The following PNPLA2 variants were observed in gnomAD, a reference collection of about 807,000 sequenced individuals.
PNPLA2 encodes patatin-like phospholipase domain-containing protein 2.
A neutral mutation model predicts 39.7 loss-of-function variants in PNPLA2; 28 were observed. The observed-to-expected ratio is 0.70, with a 90% CI of 0.52 to 0.97. PNPLA2 has a LOEUF of 0.97. Ranked by LOEUF, PNPLA2 falls within the 50% of genes least tolerant of loss-of-function variation. The probability of loss-of-function intolerance (pLI) is 0.00; values close to 1 mark genes in which losing one functional copy is unlikely to be tolerated. For synonymous variants in PNPLA2, 392 were observed against 321.1 expected, an observed-to-expected ratio of 1.22 and a Z score of -2.36; for missense variants, 768 against 698.2, an observed-to-expected ratio of 1.10 and a Z score of -1.13.
At position 824,609 on chromosome 11, in the gene PNPLA2, G is replaced by A; in HGVS notation, c.1262G>A (p.Gly421Asp). Residue 421 changes from glycine (G) to aspartate (D), a missense_variant, in exon 10 of 10, where the codon GGC (glycine) becomes GAC (aspartate). Coordinates refer to ENST00000336615, the MANE Select transcript of PNPLA2 (RefSeq NM_020376.4). ...SCAAYREALP[G>D]WMRNNLSLGD... Reference sequence around the variant, plus strand: ...GCCGCCTACAGAGAGGCACTGCCCGGCTGGATGCGCAACAACCTCTCGCTG... The same window carrying A: ...GCCGCCTACAGAGAGGCACTGCCCGACTGGATGCGCAACAACCTCTCGCTG... The A allele has an allele frequency of 6.3e-7, 1 of 1,592,204 alleles. No individual in the cohort carries two copies. Among genetic ancestry groups the A allele is most frequent in the Non-Finnish European group, 8.5e-7 (1 of 1,174,320 alleles).
At chr11:823,426 G>A in intron 5 of PNPLA2, 101 bp from the exon 6 acceptor site, 1 of 1,057,616 alleles carries the variant, frequency 9.5e-7, no homozygotes, top group Non-Finnish European at 1.4e-6. Context: ...GTTGGGAGCT[G>A]CGGGTAGTGA....
chr11:821,547 C>T, intron 2 of PNPLA2, 81 bp from the exon 3 acceptor site: 1 of 1,006,890 alleles, frequency 9.9e-7, no homozygotes, highest in South Asian at 1.3e-5. Context: ...TGCCATGGAA[C>T]CCTGGACATG....
chr11:824,838 C>T lies in PNPLA2; in HGVS notation c.1491C>T (p.Pro497=), dbSNP rs1434319423. 3.3e-6 allele frequency: 5 copies of T among 1,534,444 alleles called. No individual in the cohort carries two copies. Among genetic ancestry groups the T allele is most frequent in the Non-Finnish European group, 4.4e-6 (5 of 1,146,102 alleles). ...GCACCCCTGCTCCCGAGGCCCGGCC[C>T]GTGATCGGGGCCCTGGGGCTGTGAG... ...LLSTPAPEAR[P]VIGALGL is the part of the protein sequence containing the mutation. The change falls in exon 10 of 10, where the codon CCC becomes CCT. Residue 497 remains proline (P), a synonymous_variant. Coordinates refer to ENST00000336615, the MANE Select transcript of PNPLA2 (RefSeq NM_020376.4).
chr11:824,485 GGAGCTGAAGC>G (rs1845805844), intron 9 of PNPLA2, 28 bp from the exon 10 acceptor site: 1 of 1,545,482 alleles, frequency 6.5e-7, no homozygotes, highest in African/African-American at 1.4e-5. Flanking sequence ...GCTAGCGCCG[GGAGCTGAAGC>G]CCTCCCTGCC....
At position 822,272 on chromosome 11, in the gene PNPLA2, G is replaced by A. The variant is rs928431750; in HGVS notation, c.487-125G>A. On this transcript the variant is annotated intron_variant, in intron 4 of 9. Coordinates refer to ENST00000336615, the MANE Select transcript of PNPLA2 (RefSeq NM_020376.4). ...GCTGGCCCACAGCCAGTGCCCAGTGGGTAAAACGCTCAAATGAGGTAGCCA... is the reference window on the plus strand; with the variant it reads ...GCTGGCCCACAGCCAGTGCCCAGTGAGTAAAACGCTCAAATGAGGTAGCCA... 1.3e-5 allele frequency: 12 copies of A among 925,962 alleles called. No homozygotes were observed. The Admixed American group carries it at 2.3e-4, about 17-fold the overall frequency. 57.4% of individuals were successfully genotyped at this position (925,962 alleles called of 1,614,324 possible).
chr11:822,188 G>GC lies in PNPLA2; in HGVS notation c.486+171dup, dbSNP rs540866843. The stretch of plus-strand genomic sequence containing the variant: ...CAGCTGTGGCAACGCACGCTTCCTG[G>GC]CCCCCCATCCCTTCCTCCGTCCCTG... On this transcript the variant is annotated intron_variant, in intron 4 of 9. Transcript: ENST00000336615. The GC allele has an allele frequency of 2.8e-4, 219 of 770,502 alleles. 1 individual carries two copies. In the African/African-American group the frequency reaches 3.4e-3, roughly 12 times the overall value. 47.7% of individuals were successfully genotyped at this position (770,502 alleles called of 1,614,324 possible). A position where few individuals can be genotyped will look rare whatever the true frequency, so the allele number is the denominator to read the frequency against.
rs2133850152 is a variant in PNPLA2 at position 824,075 on chromosome 11, GC to G, written c.999del (p.Met334Ter). 6 of 1,608,044 alleles carry G rather than the reference GC, an allele frequency of 3.7e-6. No individual in the cohort carries two copies. Among genetic ancestry groups the G allele is most frequent in the Non-Finnish European group, 5.1e-6 (6 of 1,178,314 alleles). ...SNMLPVRLAT[A>X]MMVPYTLPLE... ...CATGCTGCCTGTGCGTCTGGCCACG[GC>G]CATGATGGTGCCCTACACGCTGCCG... On this transcript the variant is annotated frameshift_variant, in exon 8 of 10. Coordinates refer to ENST00000336615, the MANE Select transcript of PNPLA2 (RefSeq NM_020376.4). LOFTEE classifies it high-confidence loss of function.
Position 825,050 on chromosome 11 carries a change from T to C in PNPLA2, c.*188T>C, listed in dbSNP as rs1427527878. On this transcript the variant is annotated 3_prime_UTR_variant, in exon 10 of 10. Coordinates refer to ENST00000336615, the MANE Select transcript of PNPLA2 (RefSeq NM_020376.4). ...CTGGGCCGCTGAGGCCCCGCGCACC[T>C]GTGCCTTAATCTTCCCTCCCCTGTG... 6 of 636,860 alleles carry C rather than the reference T, an allele frequency of 9.4e-6. No individual in the cohort carries two copies. Among genetic ancestry groups the C allele is most frequent in the Non-Finnish European group, 1.7e-5 (6 of 354,174 alleles). The allele number at this position is 636,860 out of a possible 1,614,324, so 39.5% of individuals were successfully genotyped here.
At position 819,763 on chromosome 11, in the gene PNPLA2, CGGCTTCCTCGG is replaced by C; in HGVS notation, c.46_56del (p.Gly16ArgfsTer45). The C allele has an allele frequency of 6.6e-7, 1 of 1,512,986 alleles. No homozygotes were observed. Among genetic ancestry groups the C allele is most frequent in the African/African-American group, 1.4e-5 (1 of 69,242 alleles). 93.7% of individuals were successfully genotyped at this position (1,512,986 alleles called of 1,614,324 possible). The stretch of plus-strand genomic sequence containing the variant: ...CGTGGAACATCTCGTTCGCGGGCTG[CGGCTTCCTCGG>C]CGTCTACTACGTCGGCGTGGCCTCC... On this transcript the variant is annotated frameshift_variant, in exon 2 of 10. Coordinates refer to ENST00000336615, the MANE Select transcript of PNPLA2 (RefSeq NM_020376.4). LOFTEE classifies it high-confidence loss of function.
rs983442543 is a variant in PNPLA2 at position 821,609 on chromosome 11, C to G, written c.188-19C>G. 4 of 1,584,440 alleles carry G rather than the reference C, an allele frequency of 2.5e-6. No homozygotes were observed. The African/African-American group carries it at 5.4e-5, about 21-fold the overall frequency. On this transcript the variant is annotated intron_variant, in intron 2 of 9. Transcript: ENST00000336615. ...TAAGCCCAGGAGCATGGGCCCCTAACCTTGGCCCTGTGCCCCAGGTGAGGC... is the reference window on the plus strand; with the variant it reads ...TAAGCCCAGGAGCATGGGCCCCTAAGCTTGGCCCTGTGCCCCAGGTGAGGC...
In PNPLA2 at chr11:824,742, C is replaced by T. The variant is rs749249536; in HGVS notation, c.1395C>T (p.Ala465=). The part of the protein sequence containing the change: ...PPEALRMRAP[A]DPAPAPADPA... ...AAGCTCTGCGCATGCGCGCACCCGC[C>T]GACCCGGCTCCCGCCCCCGCGGACC... is the stretch of plus-strand genomic sequence containing the variant. Residue 465 remains alanine (A), a synonymous_variant, in exon 10 of 10, where the codon GCC becomes GCT. Coordinates refer to ENST00000336615, the MANE Select transcript of PNPLA2 (RefSeq NM_020376.4). 5.7e-6 allele frequency: 9 copies of T among 1,575,670 alleles called. No individual in the cohort carries two copies. In the Middle Eastern group the frequency reaches 5.0e-4, roughly 88 times the overall value.
chr11:821,591 A>G (rs771777456), intron 2 of PNPLA2, 37 bp from the exon 3 acceptor site: 1 of 1,485,292 alleles, frequency 6.7e-7, no homozygotes, highest in Non-Finnish European at 9.4e-7. Context: ...TGCTAAGCCC[A>G]GGAGCATGGG....
In PNPLA2 at chr11:825,245, C is replaced by T. The variant is rs139951562; in HGVS notation, c.*383C>T. The stretch of plus-strand genomic sequence containing the variant: ...CTCTGCCCACTTTGTGTGTATGTGA[C>T]CGCCTGCTTACTTGCAGTGAGAGCC... On this transcript the variant is annotated 3_prime_UTR_variant, in exon 10 of 10. Transcript: ENST00000336615. The T allele has an allele frequency of 2.7e-4, 85 of 319,954 alleles. No homozygotes were observed. The Middle Eastern group carries it at 8.4e-3, about 32-fold the overall frequency. The allele number at this position is 319,954 out of a possible 1,614,324, so 19.8% of individuals were successfully genotyped here.
rs1240033091 is a variant in PNPLA2 at position 819,901 on chromosome 11, C to T, written c.183C>T (p.Cys61=). Reference sequence around the variant, plus strand: ...CCACGGCGCTGGTCACCGGGGTCTGCCTGGGTGAGCGGGGCCGGGGGCGGC... The same window carrying T: ...CCACGGCGCTGGTCACCGGGGTCTGTCTGGGTGAGCGGGGCCGGGGGCGGC... ...LTATALVTGV[C]LGEAGAKFIE... The change falls in exon 2 of 10, where the codon TGC becomes TGT. Residue 61 remains cysteine (C), a synonymous_variant. Transcript: ENST00000336615. 12 of 1,381,918 alleles carry T rather than the reference C, an allele frequency of 8.7e-6. No homozygotes were observed. Among genetic ancestry groups the T allele is most frequent in the Non-Finnish European group, 1.1e-5 (12 of 1,070,214 alleles). The allele number at this position is 1,381,918 out of a possible 1,614,324, so 85.6% of individuals were successfully genotyped here.
rs140201358 is a variant in PNPLA2, at chr11:823,586, C to G, written c.756C>G (p.Asn252Lys). 18,638 of 1,529,560 alleles carry G rather than the reference C, an allele frequency of 0.012. 143 individuals carry two copies. The highest frequency in any genetic ancestry group is 0.014 in the Non-Finnish European group (16,056 of 1,117,030). The allele number at this position is 1,529,560 out of a possible 1,614,324, so 94.7% of individuals were successfully genotyped here. ...YRDGLRFLQR[N>K]GLLNRPNPLL... is the part of the protein sequence containing the mutation. ...ATGGCCTGCGCTTTCTGCAGCGGAA[C>G]GGTGCGCGGACCCGGGCGGGAGAGG... is the stretch of plus-strand genomic sequence containing the variant. Residue 252 changes from asparagine to lysine, a missense_variant and splice_region_variant, in exon 6 of 10, where the codon AAC (asparagine) becomes AAG (lysine). Asn to Lys is a moderately conservative substitution (Grantham distance 94). Coordinates refer to ENST00000336615, the MANE Select transcript of PNPLA2 (RefSeq NM_020376.4).
At chr11:819,495 C>T (rs1845597132) in intron 1 of PNPLA2, 79 bp from the exon 2 acceptor site, 1 of 1,236,688 alleles carries the variant, frequency 8.1e-7, no homozygotes, top group African/African-American at 1.6e-5. Flanking sequence ...CTGCGCGCCC[C>T]GATTGGTCTT....
In PNPLA2 at chr11:823,499, C is replaced by T. The variant is rs1240606177; in HGVS notation, c.697-28C>T. 8 of 1,590,958 alleles carry T rather than the reference C, an allele frequency of 5.0e-6. No homozygotes were observed. In the African/African-American group the frequency reaches 9.4e-5, roughly 19 times the overall value. Reference sequence around the variant, plus strand: ...GCAGAACGGGCATCCCTGGCTCCCTCCGCTCCATTTAACCCTCCTCACTGC... The same window carrying T: ...GCAGAACGGGCATCCCTGGCTCCCTTCGCTCCATTTAACCCTCCTCACTGC... On this transcript the variant is annotated intron_variant, in intron 5 of 9. Transcript: ENST00000336615.
chr11:819,535 C>A, intron 1 of PNPLA2, 39 bp from the exon 2 acceptor site: 1 of 1,287,148 alleles, frequency 7.8e-7, no homozygotes, highest in Non-Finnish European at 9.8e-7. Context: ...CGCCGTGAGT[C>A]CCACACTTAA....
rs1845737903 is a variant in PNPLA2, at chr11:823,547, G to A, written c.717G>A (p.Lys239=). Residue 239 remains lysine, a synonymous_variant, in exon 6 of 10, where the codon AAG becomes AAA. Transcript: ENST00000336615. ...PEPLVLREMC[K]QGYRDGLRFL... is the part of the protein sequence containing the mutation. ...TGCAGGTGCTGCGAGAGATGTGCAA[G>A]CAGGGATACCGGGATGGCCTGCGCT... 5 of 1,611,086 alleles carry A rather than the reference G, an allele frequency of 3.1e-6. No homozygotes were observed. Among genetic ancestry groups the A allele is most frequent in the Non-Finnish European group, 4.2e-6 (5 of 1,179,112 alleles).
Sources: gnomAD v4.1 joint callset for allele counts on GRCh38, gnomAD v4.1.1 for gene constraint, MANE v1.5 for transcripts, NCBI Gene and HGNC (gene_info 2026-07-23, HGNC 2026-07-21) for gene names.